The following RAD18 variants were observed in gnomAD, a reference collection of about 807,000 sequenced individuals.
RAD18 encodes E3 ubiquitin-protein ligase RAD18.
In RAD18, 47 loss-of-function variants were observed where a neutral mutation model predicts 60.4. The ratio of observed to expected loss-of-function variants is 0.78; its 90% CI spans 0.62 to 0.99. RAD18 has a LOEUF of 0.99. RAD18 is among the 50% of genes least tolerant of loss of function. The probability of loss-of-function intolerance (pLI) is 0.00; values close to 1 mark genes in which losing one functional copy is unlikely to be tolerated. For synonymous variants in RAD18, 225 were observed against 195.5 expected (o/e 1.15, Z -1.26); for missense variants, 640 against 593.3 (o/e 1.08, Z -0.82).
intron 6 of RAD18, 64 bp downstream of exon 6, chr3:8,939,489 TC>T (rs1940708692): frequency 7.6e-7 from 1 of 1,318,026 alleles, no homozygotes; most frequent in Non-Finnish European, 1.1e-6. Context: ...ACTGTAATTT[TC>T]CCCCAAGTAA....
intron 7 of RAD18, among the ~76,000 whole-genome samples, chr3:8,929,626 T>A (rs75309903): frequency 0.026 from 3,639 of 141,622 alleles, 135 homozygotes; most frequent in African/African-American, 0.088. Flanking sequence ...GGCAAGGACA[T>A]GGAGCAACTG....
intron 7 of RAD18, among the ~76,000 whole-genome samples, chr3:8,934,922 A>G (rs45455894): frequency 0.036 from 5,529 of 152,318 alleles, 342 homozygotes; most frequent in African/African-American, 0.12. Flanking sequence ...AACATGAATG[A>G]ATCTTATAAT....
chr3:8,915,516 C>T (rs146828266), intron 7 of RAD18, among the ~76,000 whole-genome samples: 30 of 152,010 alleles, frequency 2.0e-4, no homozygotes, highest in African/African-American at 6.0e-4. Flanking sequence ...GGGTGAGCTA[C>T]CATGAAAATA....
intron 7 of RAD18, among the ~76,000 whole-genome samples, chr3:8,932,463 A>G (rs561470641): frequency 6.6e-6 from 1 of 152,298 alleles, no homozygotes; most frequent in South Asian, 2.1e-4. Context: ...ATGAGATACC[A>G]CTACTACACA....
chr3:8,952,473 T>A (rs1940942065), intron 2 of RAD18, among the ~76,000 whole-genome samples: 1 of 152,186 alleles, frequency 6.6e-6, no homozygotes, highest in South Asian at 2.1e-4. Context: ...CCAGGCTGTA[T>A]CCCCAGTCAT....
Position 8,878,587 on chromosome 3 carries a change from T to G in RAD18, c.*2770A>C, listed in dbSNP as rs1939404597. On this transcript the variant is annotated 3_prime_UTR_variant, in exon 13 of 13. Coordinates refer to ENST00000264926, the MANE Select transcript of RAD18 (RefSeq NM_020165.4). ...TTGTCTATCCCTGTTGACACATCAG[T>G]CTTTACCATGTAATTTTGTTTTTAA... 6.6e-6 allele frequency: 1 copy of G among 152,220 alleles called. No individual in the cohort carries two copies. The highest frequency in any genetic ancestry group is 1.5e-5 in the Non-Finnish European group (1 of 68,038). 9.4% of individuals were successfully genotyped at this position (152,220 alleles called of 1,614,324 possible).
chr3:8,917,701 AC>A (rs34679635), intron 7 of RAD18, among the ~76,000 whole-genome samples: 81,826 of 151,672 alleles, frequency 0.54, 26,071 homozygotes, highest in Middle Eastern at 0.72. Flanking sequence ...AATCCAAAAA[AC>A]AGCAAAAAAA....
chr3:8,913,828 T>C (rs1471769084), intron 7 of RAD18, 108 bp from the exon 8 acceptor site: 2 of 591,828 alleles, frequency 3.4e-6, no homozygotes, highest in Non-Finnish European at 5.5e-6. Context: ...GATGGGTATA[T>C]GTGAACTCCC....
chr3:8,937,333 T>C (rs1449077635), intron 6 of RAD18, among the ~76,000 whole-genome samples: 1 of 151,808 alleles, frequency 6.6e-6, no homozygotes, highest in East Asian at 1.9e-4. Flanking sequence ...GCATTTACAA[T>C]AAAAAGCACC....
intron 7 of RAD18, among the ~76,000 whole-genome samples, chr3:8,918,318 CAAAAAAAAAAA>C (rs56365221): frequency 2.4e-3 from 177 of 73,026 alleles, no homozygotes; most frequent in Non-Finnish European, 3.3e-3. Context: ...AACTCCATCT[CAAAAAAAAAAA>C]AAAAAAAAAA....
intron 11 of RAD18, among the ~76,000 whole-genome samples, chr3:8,895,587 G>A (rs1360339421): frequency 2.0e-5 from 3 of 152,130 alleles, no homozygotes; most frequent in African/African-American, 7.2e-5. Flanking sequence ...ACACTGATGA[G>A]ATGATTTCCA....
intron 3 of RAD18, among the ~76,000 whole-genome samples, chr3:8,948,174 T>C (rs919998883): frequency 1.3e-5 from 2 of 152,186 alleles, no homozygotes; most frequent in African/African-American, 2.4e-5. Context: ...GCACAAATAC[T>C]TAGACAGTTC....
intron 2 of RAD18, among the ~76,000 whole-genome samples, chr3:8,955,296 G>C (rs1940989413): frequency 6.6e-6 from 1 of 152,162 alleles, no homozygotes; most frequent in African/African-American, 2.4e-5. Context: ...AGAAAGAAGG[G>C]AAACACGGTC....
At chr3:8,930,404 A>AG (rs989887303) in intron 7 of RAD18, among the ~76,000 whole-genome samples, 5 of 152,152 alleles carry the variant, frequency 3.3e-5, no homozygotes, top group African/African-American at 7.2e-5. Context: ...TAGGGCTGGA[A>AG]GGGTTGGTAG....
At chr3:8,901,654 CG>C (rs1939915229) in intron 10 of RAD18, among the ~76,000 whole-genome samples, 1 of 151,916 alleles carries the variant, frequency 6.6e-6, no homozygotes, top group African/African-American at 2.4e-5. Flanking sequence ...GCAGAGGGGA[CG>C]GAAGAGTTGC....
chr3:8,935,753 C>T (rs537008081), intron 7 of RAD18, 118 bp downstream of exon 7: 22 of 971,238 alleles, frequency 2.3e-5, no homozygotes, highest in African/African-American at 1.7e-4. Flanking sequence ...CACATTTGCA[C>T]GTCTTATCTA....
intron 2 of RAD18, among the ~76,000 whole-genome samples, chr3:8,954,150 T>A (rs535415475): frequency 6.6e-6 from 1 of 152,328 alleles, no homozygotes; most frequent in South Asian, 2.1e-4. Flanking sequence ...GTTATTCTCT[T>A]ACCAACTAAC....
chr3:8,926,566 T>C (rs764429791), intron 7 of RAD18, among the ~76,000 whole-genome samples: 1 of 152,110 alleles, frequency 6.6e-6, no homozygotes, highest in African/African-American at 2.4e-5. Context: ...TACTTTAAAG[T>C]TCATATGGAA....
intron 2 of RAD18, among the ~76,000 whole-genome samples, chr3:8,950,342 T>C (rs1024782836): frequency 9.9e-5 from 15 of 152,120 alleles, no homozygotes; most frequent in Non-Finnish European, 1.9e-4. Context: ...CCCAGAGTAG[T>C]CTGTTCTCAA....
Sources: gnomAD v4.1 joint callset for allele counts (sites outside exome capture counted in the v4.1 genomes callset) on GRCh38, gnomAD v4.1.1 for gene constraint, MANE v1.5 for transcripts, NCBI Gene and HGNC (gene_info 2026-07-23, HGNC 2026-07-21) for gene names.